Variants in NPAS2 observed in about 807,000 individuals in gnomAD.
The protein encoded by NPAS2 is neuronal PAS domain-containing protein 2.
Under a neutral mutation model 107.5 loss-of-function variants are expected in NPAS2, and 23 were observed. The ratio of observed to expected loss-of-function variants is 0.21; its 90% CI spans 0.15 to 0.30. The LOEUF is 0.30. NPAS2 is among the 10% of genes least tolerant of loss of function. NPAS2 has a pLI of 1.00. For synonymous variants in NPAS2, 403 were observed against 417.5 expected (o/e 0.97, Z 0.42); for missense variants, 756 against 1,043.3 (o/e 0.72, Z 3.79).
In NPAS2 at chr2:100,964,861, G is replaced by C; in HGVS notation, c.718G>C (p.Glu240Gln). Reference protein sequence around the residue: ...VRLATPQFLKEMCIVDEPLEE... With the variant: ...VRLATPQFLKQMCIVDEPLEE... ...TTTTTTTTTTCTGCTTCCAATACAGGAAATGTGCATAGTTGACGAACCTTT... is the reference window on the plus strand; with the variant it reads ...TTTTTTTTTTCTGCTTCCAATACAGCAAATGTGCATAGTTGACGAACCTTT... The change falls in exon 9 of 21, where the codon GAA (glutamate) becomes CAA (glutamine). Residue 240 changes from glutamate to glutamine, a missense_variant and splice_region_variant. By Grantham distance (29) the Glu-to-Gln change is conservative. This residue lies in a region of NPAS2 where 84 missense variants were observed against 175.5 expected (regional missense o/e 0.48). Coordinates refer to ENST00000335681, the MANE Select transcript of NPAS2 (RefSeq NM_002518.4). 1 of 1,573,290 alleles carries C rather than the reference G, an allele frequency of 6.4e-7. No homozygotes were observed. Among genetic ancestry groups the C allele is most frequent in the African/African-American group, 1.4e-5 (1 of 71,742 alleles).
intron 1 of NPAS2, among the ~76,000 whole-genome samples, chr2:100,897,882 T>G (rs878927856): frequency 6.6e-6 from 1 of 152,186 alleles, no homozygotes; most frequent in Admixed American, 6.5e-5. Flanking sequence ...GAGTATCTGT[T>G]GAATCACTGT....
At chr2:100,825,217 A>T (rs1336093094) in intron 1 of NPAS2, among the ~76,000 whole-genome samples, 1 of 152,224 alleles carries the variant, frequency 6.6e-6, no homozygotes, top group African/African-American at 2.4e-5. Context: ...GCCAAAAATG[A>T]CATGCACAAT....
At chr2:100,946,865 T>C (rs1336429248) in intron 5 of NPAS2, among the ~76,000 whole-genome samples, 1 of 151,732 alleles carries the variant, frequency 6.6e-6, no homozygotes. Flanking sequence ...GGTTTGAGGG[T>C]AAGGACGAGA....
At chr2:100,843,420 G>A (rs1677573486) in intron 1 of NPAS2, among the ~76,000 whole-genome samples, 1 of 152,160 alleles carries the variant, frequency 6.6e-6, no homozygotes, top group Non-Finnish European at 1.5e-5. Flanking sequence ...ATAGTTTTGG[G>A]GATTGAGGGG....
chr2:100,936,279 A>C (rs750780457), intron 4 of NPAS2, among the ~76,000 whole-genome samples: 1 of 152,236 alleles, frequency 6.6e-6, no homozygotes, highest in Non-Finnish European at 1.5e-5. Context: ...CCTAATGTGA[A>C]AGAATGAATT....
chr2:100,830,478 G>A (rs1399192692), intron 1 of NPAS2, among the ~76,000 whole-genome samples: 9 of 64,808 alleles, frequency 1.4e-4, no homozygotes, highest in Admixed American at 7.1e-4. Context: ...CCCCTCCCCC[G>A]ACCCCACAAC....
At chr2:100,920,745 TCTC>T (rs1253352721) in intron 2 of NPAS2, among the ~76,000 whole-genome samples, 1 of 152,216 alleles carries the variant, frequency 6.6e-6, no homozygotes, top group African/African-American at 2.4e-5. Flanking sequence ...TCTTCATGCT[TCTC>T]CCTGGGAACT....
intron 1 of NPAS2, among the ~76,000 whole-genome samples, chr2:100,901,193 C>G (rs1681746332): frequency 6.6e-6 from 1 of 151,994 alleles, no homozygotes; most frequent in South Asian, 2.1e-4. Flanking sequence ...AGTGTGGTTA[C>G]CTGAGGTGGG....
At chr2:100,854,987 A>T (rs972319072) in intron 1 of NPAS2, among the ~76,000 whole-genome samples, 1 of 152,178 alleles carries the variant, frequency 6.6e-6, no homozygotes, top group Non-Finnish European at 1.5e-5. Flanking sequence ...CTCTGCTATT[A>T]TTTTTTAATA....
At chr2:100,928,674 A>G (rs1305135428) in intron 3 of NPAS2, among the ~76,000 whole-genome samples, 3 of 152,232 alleles carry the variant, frequency 2.0e-5, no homozygotes, top group Non-Finnish European at 4.4e-5. Context: ...CAGAAAATTC[A>G]TGGTACGTTT....
intron 19 of NPAS2, among the ~76,000 whole-genome samples, chr2:100,991,810 G>A (rs1464823308): frequency 1.3e-5 from 2 of 152,136 alleles, no homozygotes; most frequent in Non-Finnish European, 2.9e-5. Flanking sequence ...TTACATTCTC[G>A]AAGGCCACAC....
chr2:100,852,179 G>A lies in NPAS2; in HGVS notation c.-23+31765G>A, dbSNP rs946380362. Among the ~76,000 whole-genome samples the A allele has an allele frequency of 8.6e-5, 13 of 151,968 alleles. No homozygotes were observed. The South Asian group carries it at 1.0e-3, about 12-fold the overall frequency. ...TGGGAGGTCAAGGCGGGCGGATCAC[G>A]AGGTCAGGAGATCAAGACCATCCTG... On this transcript the variant is annotated intron_variant, in intron 1 of 20. Coordinates refer to ENST00000335681, the MANE Select transcript of NPAS2 (RefSeq NM_002518.4).
intron 3 of NPAS2, among the ~76,000 whole-genome samples, chr2:100,929,257 A>C (rs1222630896): frequency 9.9e-5 from 15 of 152,192 alleles, no homozygotes. Flanking sequence ...CACAAGGTCA[A>C]GTCACTCATC....
At chr2:100,911,207 A>G (rs1203112965) in intron 2 of NPAS2, among the ~76,000 whole-genome samples, 1 of 152,198 alleles carries the variant, frequency 6.6e-6, no homozygotes, top group Non-Finnish European at 1.5e-5. Context: ...ATCCTGAAAA[A>G]TAAAAACATA....
intron 1 of NPAS2, among the ~76,000 whole-genome samples, chr2:100,886,884 C>A (rs1443313160): frequency 3.3e-5 from 5 of 152,290 alleles, no homozygotes; most frequent in Admixed American, 2.6e-4. Context: ...AAGGTCGTTT[C>A]CTGGAAGAGG....
intron 2 of NPAS2, among the ~76,000 whole-genome samples, chr2:100,920,182 G>A (rs944938814): frequency 5.3e-5 from 8 of 152,110 alleles, no homozygotes; most frequent in African/African-American, 1.9e-4. Context: ...TTAGTCAAAG[G>A]GTAGAAAGCT....
At chr2:100,876,072 A>G (rs1679947724) in intron 1 of NPAS2, among the ~76,000 whole-genome samples, 1 of 151,478 alleles carries the variant, frequency 6.6e-6, no homozygotes, top group Admixed American at 6.6e-5. Context: ...TACCTTTACC[A>G]CTCTAATTTT....
chr2:100,830,944 G>T (rs984999790), intron 1 of NPAS2, among the ~76,000 whole-genome samples: 13 of 152,232 alleles, frequency 8.5e-5, no homozygotes, highest in African/African-American at 3.1e-4. Flanking sequence ...GAGGTTTTTT[G>T]AGGAGGTGGG....
intron 2 of NPAS2, among the ~76,000 whole-genome samples, chr2:100,919,770 T>A (rs960652182): frequency 2.6e-5 from 4 of 152,118 alleles, no homozygotes; most frequent in Non-Finnish European, 5.9e-5. Flanking sequence ...CACCCAGCTT[T>A]CCCCTGGGCT....
Sources: allele counts gnomAD v4.1 joint callset (sites outside exome capture counted in the v4.1 genomes callset), GRCh38; gene constraint gnomAD v4.1.1; regional missense constraint gnomAD v4.1.1; transcripts MANE v1.5; gene names NCBI Gene and HGNC (gene_info 2026-07-23, HGNC 2026-07-21).